ASTN2: variants seen among roughly 807,000 people sequenced by gnomAD.
ASTN2 encodes the protein astrotactin 2.
ASTN2 carries 54 observed loss-of-function variants against 139.8 expected under a neutral mutation model. The ratio of observed to expected loss-of-function variants is 0.39; its 90% CI spans 0.31 to 0.48. ASTN2 has a LOEUF of 0.48. ASTN2 is among the 20% of genes least tolerant of loss of function. ASTN2 has a pLI of 0.95. For missense variants in ASTN2, 1,565 were observed against 1,725.1 expected (o/e 0.91, Z 1.64); for synonymous variants, 756 against 719.5 (o/e 1.05, Z -0.81).
intron 19 of ASTN2, among the ~76,000 whole-genome samples, chr9:116,567,517 T>C (rs772056467): frequency 2.6e-4 from 39 of 152,158 alleles, no homozygotes; most frequent in Non-Finnish European, 5.1e-4. Context: ...ATAGGGGCTC[T>C]CATGTCCCTA....
At chr9:116,601,926 GAGA>G (rs1314309113) in intron 19 of ASTN2, among the ~76,000 whole-genome samples, 1 of 145,018 alleles carries the variant, frequency 6.9e-6, no homozygotes, top group African/African-American at 2.9e-5. Flanking sequence ...AGATTAAATT[GAGA>G]AAAGATTATA....
At chr9:117,368,474 C>T (rs537905440) in intron 1 of ASTN2, among the ~76,000 whole-genome samples, 38 of 152,186 alleles carry the variant, frequency 2.5e-4, no homozygotes, top group African/African-American at 7.5e-4. Flanking sequence ...AAAGAACAAA[C>T]GAATCTGCTG....
intron 5 of ASTN2, among the ~76,000 whole-genome samples, chr9:117,092,915 A>G (rs1828741124): frequency 6.6e-6 from 1 of 152,088 alleles, no homozygotes; most frequent in African/African-American, 2.4e-5. Flanking sequence ...AGCCCAGCCA[A>G]AGGGGACAAC....
intron 5 of ASTN2, among the ~76,000 whole-genome samples, chr9:117,044,780 C>T (rs1053904564): frequency 7.9e-5 from 12 of 152,178 alleles, no homozygotes; most frequent in African/African-American, 2.7e-4. Context: ...TTTTGAGGCA[C>T]ACTGGTCTGG....
chr9:117,130,733 C>A (rs1829808191), intron 4 of ASTN2, among the ~76,000 whole-genome samples: 1 of 152,128 alleles, frequency 6.6e-6, no homozygotes, highest in African/African-American at 2.4e-5. Flanking sequence ...GGAATGGGAG[C>A]TTTTGCTATA....
intron 22 of ASTN2, among the ~76,000 whole-genome samples, chr9:116,435,373 C>G (rs535193195): frequency 6.6e-6 from 1 of 152,288 alleles, no homozygotes; most frequent in East Asian, 1.9e-4. Context: ...GCAAATGTAT[C>G]CAAACTGCTC....
intron 3 of ASTN2, among the ~76,000 whole-genome samples, chr9:117,173,783 C>T (rs531132730): frequency 6.6e-6 from 1 of 151,400 alleles, no homozygotes; most frequent in South Asian, 2.1e-4. Flanking sequence ...ATCATCTAGG[C>T]ATTTAAGAAG....
intron 6 of ASTN2, among the ~76,000 whole-genome samples, chr9:117,029,647 T>G (rs1236719043): frequency 6.6e-6 from 1 of 151,386 alleles, no homozygotes; most frequent in Non-Finnish European, 1.5e-5. Flanking sequence ...ACAGAGAGTA[T>G]GGTATGCAAA....
chr9:116,865,172 T>G (rs1832983603), intron 10 of ASTN2, among the ~76,000 whole-genome samples: 1 of 151,980 alleles, frequency 6.6e-6, no homozygotes, highest in Non-Finnish European at 1.5e-5. Context: ...GAGATGCATC[T>G]AAAGATGGTG....
At position 116,805,781 on chromosome 9, in the gene ASTN2, G is replaced by A. The variant is rs1215953513; in HGVS notation, c.2247C>T (p.Ser749=). The A allele has an allele frequency of 6.2e-7, 1 of 1,613,920 alleles. No homozygotes were observed. Among genetic ancestry groups the A allele is most frequent in the Non-Finnish European group, 8.5e-7 (1 of 1,179,836 alleles). ...EEYKLAPDGK[S]CLMLSDVCEG... Reference sequence around the variant, plus strand: ...CGCAGACATCTGAGAGCATTAAGCAGGATTTTCCATCAGGAGCCAGTTTGT... The same window carrying A: ...CGCAGACATCTGAGAGCATTAAGCAAGATTTTCCATCAGGAGCCAGTTTGT... Residue 749 remains serine (S), a synonymous_variant, in exon 13 of 23, where the codon TCC becomes TCT. Transcript: ENST00000313400.
intron 10 of ASTN2, among the ~76,000 whole-genome samples, chr9:116,957,281 AC>A (rs1274217008): frequency 6.6e-6 from 1 of 152,014 alleles, no homozygotes; most frequent in Non-Finnish European, 1.5e-5. Flanking sequence ...ACATACACAC[AC>A]TTTTTTCTTT....
In ASTN2 at chr9:116,424,556, T is replaced by A. The variant is rs1588043996; in HGVS notation, c.*1295A>T. 1.3e-5 allele frequency among the ~76,000 whole-genome samples: 2 copies of A among 152,012 alleles called. No homozygotes were observed. Among genetic ancestry groups the A allele is most frequent in the Middle Eastern group, 6.8e-3 (2 of 294 alleles). ...GGTGTACTGTCTCTTGTCTCTGGGC[T>A]TTTGTTCATATCTCTTCTTCCTGGA... On this transcript the variant is annotated 3_prime_UTR_variant, in exon 23 of 23. Transcript: ENST00000313400.
intron 7 of ASTN2, among the ~76,000 whole-genome samples, chr9:117,003,556 T>TG (rs1412820236): frequency 1.4e-4 from 21 of 146,940 alleles, no homozygotes; most frequent in South Asian, 4.5e-4. Flanking sequence ...TGTGTGTGTA[T>TG]TTAAATCTAG....
chr9:116,481,341 C>G (rs1450957693), intron 20 of ASTN2, among the ~76,000 whole-genome samples: 3 of 152,162 alleles, frequency 2.0e-5, no homozygotes, highest in Non-Finnish European at 2.9e-5. Context: ...GATTGCACCA[C>G]TGCCCTCCAG....
chr9:116,439,412 G>T (rs1847772232), intron 22 of ASTN2, among the ~76,000 whole-genome samples: 1 of 139,398 alleles, frequency 7.2e-6, no homozygotes, highest in Admixed American at 6.8e-5. Context: ...GTTTTAGCCG[G>T]GATGGTCTCG....
intron 4 of ASTN2, among the ~76,000 whole-genome samples, chr9:117,116,482 A>G (rs1829393990): frequency 6.6e-6 from 1 of 152,142 alleles, no homozygotes; most frequent in Non-Finnish European, 1.5e-5. Flanking sequence ...ACAAACACAC[A>G]ATCAGGAACA....
At chr9:116,491,190 T>C (rs909850607) in intron 19 of ASTN2, among the ~76,000 whole-genome samples, 15 of 152,316 alleles carry the variant, frequency 9.8e-5, no homozygotes, top group Admixed American at 6.5e-4. Context: ...TGTATGAATA[T>C]AATCATCTTC....
At chr9:117,309,201 A>G (rs967983820) in intron 1 of ASTN2, among the ~76,000 whole-genome samples, 1 of 152,262 alleles carries the variant, frequency 6.6e-6, no homozygotes, top group Admixed American at 6.5e-5. Context: ...GGTGGCATTC[A>G]GACTCCCTCA....
intron 10 of ASTN2, among the ~76,000 whole-genome samples, chr9:116,938,083 G>A (rs2132464437): frequency 6.6e-6 from 1 of 152,308 alleles, no homozygotes; most frequent in Middle Eastern, 3.4e-3. Context: ...GTTCAATCAT[G>A]CAGTGGAGTG....
Sources: allele counts gnomAD v4.1 joint callset (sites outside exome capture counted in the v4.1 genomes callset), GRCh38; gene constraint gnomAD v4.1.1; transcripts MANE v1.5; gene names NCBI Gene and HGNC (gene_info 2026-07-23, HGNC 2026-07-21).